SLC2A7: variants seen among roughly 807,000 people sequenced by gnomAD.
The protein encoded by SLC2A7 is solute carrier family 2 member 7, also known as solute carrier family 2, facilitated glucose transporter member 7.
In SLC2A7, 50 loss-of-function variants were observed where a neutral mutation model predicts 50.5. The observed-to-expected ratio is 0.99, with a 90% CI of 0.79 to 1.25. The LOEUF is 1.25. Among genes scored for constraint, SLC2A7 ranks in the 50% most tolerant of loss-of-function variants. The pLI is 0.00. For missense variants in SLC2A7, 683 were observed against 679.1 expected, an observed-to-expected ratio of 1.01 and a Z score of -0.06; for synonymous variants, 308 against 300.4, an observed-to-expected ratio of 1.03 and a Z score of -0.26.
At chr1:9,023,373 T>C (rs1430201063) in intron 2 of SLC2A7, among the ~76,000 whole-genome samples, 3 of 152,074 alleles carry the variant, frequency 2.0e-5, no homozygotes, top group Non-Finnish European at 4.4e-5. Context: ...TTTGGGAGGT[T>C]GAGGCGGGCA....
At chr1:9,002,565 T>C (rs928364525), downstream of SLC2A7, among the ~76,000 whole-genome samples, 3 of 152,070 alleles carry the variant, frequency 2.0e-5, no homozygotes, top group Non-Finnish European at 4.4e-5. Context: ...CTGCTGACCC[T>C]CTCCCCACCA....
chr1:9,000,745 GGTGTGTGTGTGTGT>G (rs56985979), downstream of SLC2A7, among the ~76,000 whole-genome samples: 3 of 142,090 alleles, frequency 2.1e-5, no homozygotes, highest in African/African-American at 2.7e-5. Context: ...TGACTTTCCT[GGTGTGTGTGTGTGT>G]GTGTGTGTGT....
At chr1:9,024,896 G>T in intron 2 of SLC2A7, 80 bp downstream of exon 2, 1 of 1,502,754 alleles carries the variant, frequency 6.7e-7, no homozygotes, top group Non-Finnish European at 9.2e-7. Context: ...CAGCCTCCAC[G>T]GAGGAAGATG....
intron 3 of SLC2A7, among the ~76,000 whole-genome samples, chr1:9,020,370 A>C (rs544990355): frequency 6.6e-6 from 1 of 152,346 alleles, no homozygotes; most frequent in East Asian, 1.9e-4. Flanking sequence ...AGTGGGGTGC[A>C]GAATGGGACT....
At chr1:9,005,609 C>T (rs927512369) in intron 10 of SLC2A7, among the ~76,000 whole-genome samples, 16 of 151,862 alleles carry the variant, frequency 1.1e-4, no homozygotes, top group Non-Finnish European at 2.1e-4. Context: ...AGTTCGAGAC[C>T]GGCCTGGCCA....
rs540446870 is a variant in SLC2A7, at chr1:9,008,734, T to C, written c.1117-1349A>G. Among the ~76,000 whole-genome samples, 5 of 152,018 alleles carry C rather than the reference T, an allele frequency of 3.3e-5. No homozygotes were observed. The highest frequency in any genetic ancestry group is 7.2e-5 in the African/African-American group (3 of 41,486). On this transcript the variant is annotated intron_variant, in intron 9 of 11. Transcript: ENST00000400906. This position sits in a 1 kb window ranked among gnomAD's most constrained non-coding sequence, Gnocchi z 5.9. The stretch of plus-strand genomic sequence containing the variant: ...GCCTCAGCCTCCCGAGTAACTGGGA[T>C]TACAGGCACACGCCACCACACCCGA...
At chr1:9,018,175 G>A (rs751404894) in intron 5 of SLC2A7, 48 bp downstream of exon 5, 34 of 1,609,988 alleles carry the variant, frequency 2.1e-5, no homozygotes, top group Non-Finnish European at 2.9e-5. Context: ...ACCTGGCACA[G>A]CCGAACGAGA....
Position 9,015,227 on chromosome 1 carries a change from A to C in SLC2A7, c.605T>G (p.Leu202Arg), listed in dbSNP as rs775712654. The C allele has an allele frequency of 6.9e-6, 11 of 1,600,340 alleles. No individual in the cohort carries two copies. Among genetic ancestry groups the C allele is most frequent in the African/African-American group, 1.3e-5 (1 of 74,800 alleles). ...LGNPAGWPVLLALTGVPALLQ... is the reference protein window; with the variant it reads ...LGNPAGWPVLRALTGVPALLQ... ...CAGGGCGGGCACCCCTGTGAGCGCC[A>C]GAAGCACCGGCCAGCCTGCAAGGAG... The change falls in exon 6 of 12, where the codon CTG becomes CGG. Residue 202 changes from leucine to arginine, a missense_variant. Coordinates refer to ENST00000400906, the MANE Select transcript of SLC2A7 (RefSeq NM_207420.3).
chr1:8,999,344 C>T (rs1218754871), downstream of SLC2A7, among the ~76,000 whole-genome samples: 1 of 152,100 alleles, frequency 6.6e-6, no homozygotes, highest in Non-Finnish European at 1.5e-5. Flanking sequence ...CTGTGTTTTT[C>T]AAGGAGTTCG....
chr1:9,010,249 A>G lies in SLC2A7; in HGVS notation c.1015-5T>C. 6.5e-7 allele frequency: 1 copy of G among 1,550,374 alleles called. No individual in the cohort carries two copies. The highest frequency in any genetic ancestry group is 1.4e-5 in the African/African-American group (1 of 73,148). On this transcript the variant is annotated splice_region_variant and splice_polypyrimidine_tract_variant and intron_variant, in intron 8 of 11. Transcript: ENST00000400906. ...CAGCCGCTCCACAAGGACAGCCTGGAGGGGAAGGGGGACAGTGAGAAGCCG... is the reference window on the plus strand; with the variant it reads ...CAGCCGCTCCACAAGGACAGCCTGGGGGGGAAGGGGGACAGTGAGAAGCCG...
At chr1:9,021,501 G>C (rs1255333053) in intron 3 of SLC2A7, among the ~76,000 whole-genome samples, 1 of 152,158 alleles carries the variant, frequency 6.6e-6, no homozygotes, top group Non-Finnish European at 1.5e-5. Flanking sequence ...AAGCCAGGAA[G>C]GCGAGGTTCT....
chr1:9,024,873 AC>A, intron 2 of SLC2A7, 102 bp downstream of exon 2: 2 of 1,333,104 alleles, frequency 1.5e-6, no homozygotes, highest in Non-Finnish European at 2.1e-6. Flanking sequence ...GGTGCCTCCT[AC>A]AGGCAAGATG....
chr1:9,004,687 A>G lies in SLC2A7; in HGVS notation c.1320+65T>C, dbSNP rs573262940. 81 of 1,578,474 alleles carry G rather than the reference A, an allele frequency of 5.1e-5. 2 individuals are homozygous for G. The East Asian group carries it at 1.8e-3, about 35-fold the overall frequency. On this transcript the variant is annotated intron_variant, in intron 11 of 11. Coordinates refer to ENST00000400906, the MANE Select transcript of SLC2A7 (RefSeq NM_207420.3). ...CTGGATTCACAGATGTGCTTAGCGG[A>G]AGGGGAATACATCTTACTCCCTGGA... is the stretch of plus-strand genomic sequence containing the variant.
At chr1:8,998,281 T>C (rs550944746), downstream of SLC2A7, among the ~76,000 whole-genome samples, 16 of 152,196 alleles carry the variant, frequency 1.1e-4, no homozygotes, top group Admixed American at 3.3e-4. Context: ...GGCGGGCGCC[T>C]GCAATCCCAG....
At position 9,018,673 on chromosome 1, in the gene SLC2A7, C is replaced by T. The variant is rs376282599; in HGVS notation, c.437-298G>A. 4.8e-3 allele frequency among the ~76,000 whole-genome samples: 725 copies of T among 152,296 alleles called. 9 individuals are homozygous for T. The highest frequency in any genetic ancestry group is 6.6e-3 in the Non-Finnish European group (446 of 68,032). ...GCCTCCGTGTGTCCCTGGGACTTAA[C>T]GATAAAACTTTTGCTTTGGTCTATT... On this transcript the variant is annotated intron_variant, in intron 4 of 11. Transcript: ENST00000400906.
In SLC2A7 at chr1:9,003,418, A is replaced by G; in HGVS notation, c.1421T>C (p.Phe474Ser). ...VVIPETKGKT[F>S]VEINRIFAKR... ...GGCAAAAATGCGGTTTATCTCCACA[A>G]ATGTTTTGCCCTTGGTCTCCGGAAT... The change falls in exon 12 of 12, where the codon TTT becomes TCT. Residue 474 changes from phenylalanine (F) to serine (S), a missense_variant. Coordinates refer to ENST00000400906, the MANE Select transcript of SLC2A7 (RefSeq NM_207420.3). 1 of 1,614,152 alleles carries G rather than the reference A, an allele frequency of 6.2e-7. No homozygotes were observed. The highest frequency in any genetic ancestry group is 8.5e-7 in the Non-Finnish European group (1 of 1,180,018).
chr1:9,013,204 T>G (rs28594609), intron 8 of SLC2A7, among the ~76,000 whole-genome samples: 47,056 of 151,928 alleles, frequency 0.31, 7,611 homozygotes, highest in African/African-American at 0.4. Context: ...TTTTTTTGTA[T>G]TTTTAGTAGA....
In SLC2A7 at chr1:9,005,888, T is replaced by G. The variant is rs182746967; in HGVS notation, c.1193-1009A>C. On this transcript the variant is annotated intron_variant, in intron 10 of 11. Transcript: ENST00000400906. ...CCCTGAATGAAGCTGGGATGTCAAG[T>G]GCAAACTCCTGCAGCCCAGTGACTT... 5.2e-3 allele frequency among the ~76,000 whole-genome samples: 785 copies of G among 151,926 alleles called. 5 individuals are homozygous for G. Among genetic ancestry groups the G allele is most frequent in the Middle Eastern group, 0.02 (6 of 294 alleles).
Position 9,007,295 on chromosome 1 carries a change from C to A in SLC2A7, c.1192+15G>T, listed in dbSNP as rs570383827. 2 of 1,614,010 alleles carry A rather than the reference C, an allele frequency of 1.2e-6. No homozygotes were observed. The highest frequency in any genetic ancestry group is 8.5e-7 in the Non-Finnish European group (1 of 1,179,894). ...ACCAGGATGGCCGGGGCGAGGGAGG[C>A]GTGCAGGTACTCACTGGGCCCAATG... On this transcript the variant is annotated intron_variant, in intron 10 of 11. Coordinates refer to ENST00000400906, the MANE Select transcript of SLC2A7 (RefSeq NM_207420.3).
Sources: gnomAD v4.1 joint callset for allele counts (sites outside exome capture counted in the v4.1 genomes callset) on GRCh38, gnomAD v4.1.1 for gene constraint, Gnocchi (gnomAD v3.1) non-coding constraint, MANE v1.5 for transcripts, NCBI Gene and HGNC (gene_info 2026-07-23, HGNC 2026-07-21) for gene names.